ASTN2: variants seen among roughly 807,000 people sequenced by gnomAD.
ASTN2 encodes astrotactin-2.
A neutral mutation model predicts 139.8 loss-of-function variants in ASTN2; 54 were observed. That is an observed-to-expected ratio of 0.39 (90% CI 0.31 to 0.48). The LOEUF (loss-of-function observed/expected upper bound fraction) is 0.48. Ranked by LOEUF, ASTN2 falls within the 20% of genes least tolerant of loss-of-function variation. ASTN2 has a pLI of 0.95. For missense variants in ASTN2, 1,565 were observed against 1,725.1 expected, an observed-to-expected ratio of 0.91 and a Z score of 1.64; for synonymous variants, 756 against 719.5, an observed-to-expected ratio of 1.05 and a Z score of -0.81.
chr9:117,388,549 A>G (rs539976588), intron 1 of ASTN2, among the ~76,000 whole-genome samples: 1 of 152,334 alleles, frequency 6.6e-6, no homozygotes, highest in African/African-American at 2.4e-5. Context: ...GAGCCATCCC[A>G]AATAGAAATA....
intron 1 of ASTN2, among the ~76,000 whole-genome samples, chr9:117,320,273 A>ACTGAC (rs1828287275): frequency 6.6e-6 from 1 of 152,184 alleles, no homozygotes; most frequent in Non-Finnish European, 1.5e-5. Context: ...ACTGAACTGA[A>ACTGAC]CTGAAATGAA....
chr9:116,861,973 CTTT>C (rs56282333), intron 11 of ASTN2, among the ~76,000 whole-genome samples: 305 of 133,604 alleles, frequency 2.3e-3, no homozygotes, highest in Middle Eastern at 3.9e-3. Context: ...TTTCCTTCTT[CTTT>C]TTTTTTTTTT....
chr9:116,828,951 C>T (rs558195216), intron 11 of ASTN2, among the ~76,000 whole-genome samples: 23 of 151,972 alleles, frequency 1.5e-4, no homozygotes, highest in East Asian at 5.8e-4. Context: ...ATATATTTAA[C>T]AAGGAGGTGA....
intron 1 of ASTN2, among the ~76,000 whole-genome samples, chr9:117,354,205 C>T (rs1829472165): frequency 6.6e-6 from 1 of 152,022 alleles, no homozygotes; most frequent in South Asian, 2.1e-4. Context: ...TTTCTATAAG[C>T]CTAAAACTAC....
chr9:116,531,554 C>T (rs899551907), intron 19 of ASTN2, among the ~76,000 whole-genome samples: 4 of 144,112 alleles, frequency 2.8e-5, no homozygotes. Flanking sequence ...TTTGATATTC[C>T]CCTTCCTGTG....
chr9:117,347,053 T>A lies in ASTN2; in HGVS notation c.443-55540A>T, dbSNP rs180794101. 5.3e-5 allele frequency among the ~76,000 whole-genome samples: 8 copies of A among 152,252 alleles called. No individual in the cohort carries two copies. In the East Asian group the frequency reaches 1.5e-3, roughly 29 times the overall value. On this transcript the variant is annotated intron_variant, in intron 1 of 22. Coordinates refer to ENST00000313400, the MANE Select transcript of ASTN2 (RefSeq NM_001365068.1). ...GGCATCCTGCTGCTTCTGCGGTGTG[T>A]GTTATCTGAGGTGGGATGACCTGGT...
At chr9:116,749,753 A>G (rs772589350) in intron 13 of ASTN2, among the ~76,000 whole-genome samples, 1 of 152,136 alleles carries the variant, frequency 6.6e-6, no homozygotes, top group Non-Finnish European at 1.5e-5. Context: ...TGGATGGTTT[A>G]ACACCATCCC....
At chr9:116,697,313 G>C in intron 16 of ASTN2, 1 of 210,868 alleles carries the variant, frequency 4.7e-6, no homozygotes, top group Non-Finnish European at 9.8e-6. Context: ...TATTTATCTT[G>C]TTACTTAGCC....
intron 3 of ASTN2, among the ~76,000 whole-genome samples, chr9:117,162,446 C>T (rs532734236): frequency 1.3e-5 from 2 of 152,088 alleles, no homozygotes; most frequent in South Asian, 2.1e-4. Flanking sequence ...TGTAGGCATT[C>T]GCTTATATGC....
chr9:116,578,779 A>C (rs1398154886), intron 19 of ASTN2, among the ~76,000 whole-genome samples: 1 of 151,990 alleles, frequency 6.6e-6, no homozygotes, highest in Non-Finnish European at 1.5e-5. Context: ...GGAAAAAAAA[A>C]ATACCAACTG....
intron 13 of ASTN2, among the ~76,000 whole-genome samples, chr9:116,792,518 C>A (rs145819919): frequency 6.6e-6 from 1 of 152,298 alleles, no homozygotes; most frequent in East Asian, 1.9e-4. Context: ...AGCAGCCTGC[C>A]TTCAATAAGT....
intron 16 of ASTN2, among the ~76,000 whole-genome samples, chr9:116,694,831 A>G (rs1588210709): frequency 6.6e-6 from 1 of 151,884 alleles, no homozygotes; most frequent in African/African-American, 2.4e-5. Flanking sequence ...GGCATTTAAG[A>G]ATTTACCATT....
chr9:116,994,619 A>G (rs903938694), intron 7 of ASTN2, among the ~76,000 whole-genome samples: 1 of 152,214 alleles, frequency 6.6e-6, no homozygotes, highest in African/African-American at 2.4e-5. Flanking sequence ...AATGTGACTG[A>G]GGAGCTAAAT....
intron 16 of ASTN2, among the ~76,000 whole-genome samples, chr9:116,708,067 G>T (rs1828040953): frequency 6.6e-6 from 1 of 152,082 alleles, no homozygotes; most frequent in African/African-American, 2.4e-5. Context: ...AAATGGGACG[G>T]CATGGACCTT....
At chr9:117,345,034 C>T (rs935393550) in intron 1 of ASTN2, among the ~76,000 whole-genome samples, 3 of 152,096 alleles carry the variant, frequency 2.0e-5, no homozygotes, top group Non-Finnish European at 4.4e-5. Flanking sequence ...ACCCAGGAAT[C>T]TAAGGAAGCC....
intron 7 of ASTN2, among the ~76,000 whole-genome samples, chr9:117,002,701 G>A (rs1344527485): frequency 6.6e-6 from 1 of 152,162 alleles, no homozygotes; most frequent in South Asian, 2.1e-4. Context: ...ATTATTCTTT[G>A]TCTCTTAATT....
At chr9:117,178,430 C>CTG (rs1432374595) in intron 3 of ASTN2, among the ~76,000 whole-genome samples, 8 of 152,248 alleles carry the variant, frequency 5.3e-5, no homozygotes, top group Non-Finnish European at 1.0e-4. Context: ...TTGGACAGAT[C>CTG]TGTGTGCCCA....
intron 3 of ASTN2, among the ~76,000 whole-genome samples, chr9:117,152,336 T>C (rs182511094): frequency 4.6e-5 from 7 of 152,296 alleles, no homozygotes; most frequent in East Asian, 1.9e-4. Flanking sequence ...TTTGACTCAC[T>C]GTTGTCCTTT....
chr9:116,840,037 TTG>T (rs1337868737), intron 11 of ASTN2, among the ~76,000 whole-genome samples: 2 of 148,274 alleles, frequency 1.3e-5, no homozygotes, highest in East Asian at 2.0e-4. Context: ...TCCACAGTGT[TTG>T]TGTCCCTGGG....
Sources: gnomAD v4.1 joint callset for allele counts (sites outside exome capture counted in the v4.1 genomes callset) on GRCh38, gnomAD v4.1.1 for gene constraint, MANE v1.5 for transcripts, NCBI Gene and HGNC (gene_info 2026-07-23, HGNC 2026-07-21) for gene names.